NLGN1: variants seen among roughly 807,000 people sequenced by gnomAD.
NLGN1 encodes neuroligin-1.
NLGN1 carries 12 observed loss-of-function variants against 65.5 expected under a neutral mutation model. That is an observed-to-expected ratio of 0.18 (90% CI 0.12 to 0.30). NLGN1 has a LOEUF of 0.30. NLGN1 is among the 10% of genes least tolerant of loss of function. The probability of loss-of-function intolerance (pLI) is 1.00; values close to 1 mark genes in which losing one functional copy is unlikely to be tolerated. For synonymous variants in NLGN1, 350 were observed against 359.5 expected (o/e 0.97, Z 0.30); for missense variants, 750 against 1,007.1 (o/e 0.74, Z 3.46).
At chr3:173,892,942 C>T (rs79311918) in intron 4 of NLGN1, among the ~76,000 whole-genome samples, 1,715 of 152,214 alleles carry the variant, frequency 0.011, 36 homozygotes, top group African/African-American at 0.036. Flanking sequence ...TTCCCCTTTT[C>T]TAATATCTAA....
upstream of NLGN1, chr3:173,398,330 C>T (rs1211935690): frequency 3.3e-5 from 5 of 152,176 alleles, no homozygotes; most frequent in African/African-American, 9.7e-5. Flanking sequence ...GTTTTCAGAT[C>T]TGTGTGTTTC....
intron 3 of NLGN1, among the ~76,000 whole-genome samples, chr3:173,677,675 G>T (rs921029924): frequency 6.6e-6 from 1 of 151,962 alleles, no homozygotes; most frequent in African/African-American, 2.4e-5. Flanking sequence ...AATGCAGATA[G>T]ATATAGATAC....
At chr3:174,170,931 G>A (rs1728407198) in intron 4 of NLGN1, among the ~76,000 whole-genome samples, 1 of 152,206 alleles carries the variant, frequency 6.6e-6, no homozygotes, top group African/African-American at 2.4e-5. Flanking sequence ...GAACTTGAAT[G>A]TATCCATTTA....
chr3:174,270,919 C>T (rs766510223), intron 4 of NLGN1, among the ~76,000 whole-genome samples: 6 of 151,708 alleles, frequency 4.0e-5, no homozygotes, highest in Non-Finnish European at 5.9e-5. Context: ...TTTTCCGATC[C>T]ATATTCCCAA....
chr3:173,776,512 G>A (rs9830510), intron 3 of NLGN1, among the ~76,000 whole-genome samples: 117,416 of 151,894 alleles, frequency 0.77, 46,295 homozygotes, highest in Non-Finnish European at 0.84. Flanking sequence ...AACTTGTTGT[G>A]GTGTTGACAA....
Position 173,852,355 on chromosome 3 carries a change from C to CAAAAA in NLGN1, c.646+44552_646+44556dup, listed in dbSNP as rs71162367. 1.4e-3 allele frequency among the ~76,000 whole-genome samples: 65 copies of CAAAAA among 46,666 alleles called. 1 individual carries two copies. The highest frequency in any genetic ancestry group is 3.8e-3 in the East Asian group (4 of 1,044). 30.6% of individuals were successfully genotyped at this position (46,666 alleles called of 152,430 possible). ...TGGGCAACAGAGCGAGACTCCGTCTCAAAAAAAAAAAAAAAAAAAAAAAAA... is the reference window on the plus strand; with the variant it reads ...TGGGCAACAGAGCGAGACTCCGTCTCAAAAAAAAAAAAAAAAAAAAAAAAAAAAAA... On this transcript the variant is annotated intron_variant, in intron 4 of 6. Coordinates refer to ENST00000457714, the Ensembl canonical transcript of NLGN1.
intron 4 of NLGN1, among the ~76,000 whole-genome samples, chr3:173,964,968 CA>C (rs1387726056): frequency 3.9e-5 from 6 of 152,066 alleles, no homozygotes; most frequent in Non-Finnish European, 8.8e-5. Flanking sequence ...AAAATATTCA[CA>C]GTTATAAGTA....
At chr3:173,883,287 G>A (rs1297601235) in intron 4 of NLGN1, among the ~76,000 whole-genome samples, 1 of 152,182 alleles carries the variant, frequency 6.6e-6, no homozygotes, top group African/African-American at 2.4e-5. Flanking sequence ...CTCAAAAGGA[G>A]GCGAGAGATA....
intron 3 of NLGN1, among the ~76,000 whole-genome samples, chr3:173,706,808 C>T (rs1045150462): frequency 9.2e-5 from 14 of 152,352 alleles, no homozygotes; most frequent in East Asian, 1.9e-4. Flanking sequence ...GACACACATA[C>T]GCACACACAC....
exon 7 of NLGN1, chr3:174,281,324 A>G (rs932096178): frequency 1.4e-6 from 2 of 1,479,306 alleles, no homozygotes; most frequent in East Asian, 4.6e-5. Flanking sequence ...GAAACAAACT[A>G]TTTTTTTTGA....
chr3:173,939,263 A>G (rs1745567364), intron 4 of NLGN1, among the ~76,000 whole-genome samples: 2 of 152,200 alleles, frequency 1.3e-5, no homozygotes, highest in Admixed American at 6.5e-5. Flanking sequence ...ACTGTGCTGG[A>G]CTCAACCATC....
At chr3:173,695,353 A>G (rs555400764) in intron 3 of NLGN1, among the ~76,000 whole-genome samples, 88 of 152,252 alleles carry the variant, frequency 5.8e-4, no homozygotes, top group South Asian at 6.2e-4. Flanking sequence ...GAAAATAAAA[A>G]ACAAAACATT....
At position 173,504,530 on chromosome 3, in the gene NLGN1, T is replaced by C. The variant is rs112745339; in HGVS notation, c.-321+69452T>C. Among the ~76,000 whole-genome samples the C allele has an allele frequency of 3.5e-3, 535 of 152,212 alleles. 3 individuals are homozygous for C. The highest frequency in any genetic ancestry group is 0.012 in the African/African-American group (486 of 41,556). On this transcript the variant is annotated intron_variant, in intron 2 of 6. Coordinates refer to ENST00000457714, the Ensembl canonical transcript of NLGN1. The stretch of plus-strand genomic sequence containing the variant: ...TTTCTGTTAAAATATTTTGATATTA[T>C]GGAGACCCTTGAAATCTCTTAACCT...
chr3:173,561,898 G>C (rs1742796834), intron 2 of NLGN1, among the ~76,000 whole-genome samples: 1 of 152,156 alleles, frequency 6.6e-6, no homozygotes, highest in South Asian at 2.1e-4. Flanking sequence ...TCTGCTGAAG[G>C]CTCGAAAACA....
intron 4 of NLGN1, among the ~76,000 whole-genome samples, chr3:174,273,147 T>TTGAA (rs1749799740): frequency 6.6e-6 from 1 of 151,682 alleles, no homozygotes; most frequent in African/African-American, 2.4e-5. Context: ...ATGCTACACA[T>TTGAA]TGAATGATGA....
intron 3 of NLGN1, among the ~76,000 whole-genome samples, chr3:173,781,700 G>T (rs1781188125): frequency 6.6e-6 from 1 of 152,170 alleles, no homozygotes; most frequent in Non-Finnish European, 1.5e-5. Flanking sequence ...TCAGTAATTG[G>T]ATTTGTAGGA....
chr3:173,969,674 A>T (rs957004110), intron 4 of NLGN1, among the ~76,000 whole-genome samples: 5 of 152,272 alleles, frequency 3.3e-5, no homozygotes, highest in Non-Finnish European at 4.4e-5. Context: ...CTGGAATGCC[A>T]ATATTCTATG....
chr3:173,906,999 C>T (rs142391130), intron 4 of NLGN1, among the ~76,000 whole-genome samples: 44 of 151,870 alleles, frequency 2.9e-4, no homozygotes, highest in African/African-American at 9.9e-4. Flanking sequence ...AAAGTATCTT[C>T]TTCTATGGGT....
At chr3:173,524,230 A>G (rs1735265038) in intron 2 of NLGN1, among the ~76,000 whole-genome samples, 1 of 151,828 alleles carries the variant, frequency 6.6e-6, no homozygotes, top group Admixed American at 6.6e-5. Flanking sequence ...CCGGCCTCAT[A>G]TAATTTCTTT....
Sources: gnomAD v4.1 joint callset for allele counts (sites outside exome capture counted in the v4.1 genomes callset) on GRCh38, gnomAD v4.1.1 for gene constraint, MANE v1.5 for transcripts, NCBI Gene and HGNC (gene_info 2026-07-23, HGNC 2026-07-21) for gene names.